Variants in FILIP1 observed in about 807,000 individuals in gnomAD.
FILIP1 encodes the protein filamin A interacting protein 1.
Under a neutral mutation model 102.1 loss-of-function variants are expected in FILIP1, and 61 were observed. That is an observed-to-expected ratio of 0.60 (90% CI 0.49 to 0.74). FILIP1 has a LOEUF of 0.74. FILIP1 is among the 30% of genes least tolerant of loss of function. FILIP1 has a pLI of 0.00. For synonymous variants in FILIP1, 491 were observed against 526.9 expected (o/e 0.93, Z 0.93); for missense variants, 1,314 against 1,441.2 (o/e 0.91, Z 1.43).
chr6:75,291,998 G>T (rs993878103), exon 7 of FILIP1: 10 of 152,128 alleles, frequency 6.6e-5, no homozygotes, highest in African/African-American at 2.2e-4. Flanking sequence ...AACAGAGAAT[G>T]TTTTCATTGG....
intron 6 of FILIP1, among the ~76,000 whole-genome samples, chr6:75,299,863 C>G (rs1217019196): frequency 6.6e-6 from 1 of 152,096 alleles, no homozygotes; most frequent in Non-Finnish European, 1.5e-5. Flanking sequence ...GGTGGTATCC[C>G]AAAACTACTA....
chr6:75,404,578 A>T lies in FILIP1; in HGVS notation c.276+10119T>A, dbSNP rs769090285. ...CACCCATTAGTGTTTGTATTTGTAC[A>T]TAATCACCTTTCTTTAGCATTCCCC... On this transcript the variant is annotated intron_variant, in intron 2 of 5. Coordinates refer to ENST00000237172, the MANE Select transcript of FILIP1 (RefSeq NM_015687.5). 4.5e-4 allele frequency among the ~76,000 whole-genome samples: 68 copies of T among 152,300 alleles called. No individual in the cohort carries two copies. In the Middle Eastern group the frequency reaches 0.01, roughly 23 times the overall value.
At chr6:75,431,816 G>C (rs1777832846) in intron 1 of FILIP1, among the ~76,000 whole-genome samples, 1 of 152,146 alleles carries the variant, frequency 6.6e-6, no homozygotes, top group Non-Finnish European at 1.5e-5. Context: ...TATACACAAA[G>C]ACTAGTGGGA....
Position 75,326,126 on chromosome 6 carries a change from TACAC to T in FILIP1, c.630-10928_630-10925del, listed in dbSNP as rs766233320. Among the ~76,000 whole-genome samples, 6 of 149,646 alleles carry T rather than the reference TACAC, an allele frequency of 4.0e-5. No homozygotes were observed. In the East Asian group the frequency reaches 7.8e-4, roughly 19 times the overall value. ...AGATAGATAGAGAGATAGATAGATATACACACACACACACACACACATCATGAAA... is the reference window on the plus strand; with the variant it reads ...AGATAGATAGAGAGATAGATAGATATACACACACACACACACATCATGAAA... On this transcript the variant is annotated intron_variant, in intron 4 of 5. Coordinates refer to ENST00000237172, the MANE Select transcript of FILIP1 (RefSeq NM_015687.5).
Position 75,308,780 on chromosome 6 carries a change from C to T in FILIP1, c.3553G>A (p.Glu1185Lys). Reference protein sequence around the residue: ...APGAGNLTKFEPRAETQSMKI... With the variant: ...APGAGNLTKFKPRAETQSMKI... ...ATAGACTGAGTCTCAGCTCGAGGCT[C>T]GAATTTGGTCAGATTTCCTGCTCCT... The change falls in exon 6 of 6, where the codon GAG becomes AAG. Residue 1185 changes from glutamate (E) to lysine (K), a missense_variant. By Grantham distance (56) the Glu-to-Lys change is moderately conservative (BLOSUM62 1). Coordinates refer to ENST00000237172, the MANE Select transcript of FILIP1 (RefSeq NM_015687.5). 3 of 1,614,046 alleles carry T rather than the reference C, an allele frequency of 1.9e-6. No homozygotes were observed. The highest frequency in any genetic ancestry group is 2.2e-5 in the East Asian group (1 of 44,856).
intron 1 of FILIP1, among the ~76,000 whole-genome samples, chr6:75,422,088 A>G (rs1582480283): frequency 6.6e-6 from 1 of 152,296 alleles, no homozygotes. Flanking sequence ...TTAACTATCT[A>G]GTAATATACT....
At chr6:75,459,247 T>C (rs1157606888) in intron 1 of FILIP1, among the ~76,000 whole-genome samples, 7 of 152,206 alleles carry the variant, frequency 4.6e-5, no homozygotes, top group Non-Finnish European at 1.0e-4. Context: ...TCCCTGCCAC[T>C]GCTTACTGAA....
chr6:75,463,850 T>C (rs1228343168), intron 1 of FILIP1, among the ~76,000 whole-genome samples: 1 of 152,234 alleles, frequency 6.6e-6, no homozygotes, highest in Non-Finnish European at 1.5e-5. Flanking sequence ...TGGTCATGTT[T>C]CTGAAAGAAG....
At chr6:75,471,445 G>A (rs939325282) in intron 1 of FILIP1, among the ~76,000 whole-genome samples, 2 of 152,018 alleles carry the variant, frequency 1.3e-5, no homozygotes, top group Admixed American at 1.3e-4. Context: ...TCACTGTGAT[G>A]GAAGAAATTC....
intron 2 of FILIP1, among the ~76,000 whole-genome samples, chr6:75,395,975 T>A (rs1046101477): frequency 6.6e-6 from 1 of 151,728 alleles, no homozygotes; most frequent in African/African-American, 2.4e-5. Flanking sequence ...CATAAAAAAA[T>A]AAAGTAGGAC....
Position 75,312,861 on chromosome 6 carries a change from T to A in FILIP1, c.2971A>T (p.Thr991Ser). 2 of 1,614,118 alleles carry A rather than the reference T, an allele frequency of 1.2e-6. No individual in the cohort carries two copies. Among genetic ancestry groups the A allele is most frequent in the Non-Finnish European group, 1.7e-6 (2 of 1,180,034 alleles). ...AATGCGCCTCTTCCACTTTCTGGAGTCTTCTCTCTGGAAAATGTAGTAATT... is the reference window on the plus strand; with the variant it reads ...AATGCGCCTCTTCCACTTTCTGGAGACTTCTCTCTGGAAAATGTAGTAATT... ...VTITTFSREK[T>S]PESGRGAFAD... The change falls in exon 5 of 6, where the codon ACT (threonine) becomes TCT (serine). Residue 991 changes from threonine to serine, a missense_variant. Physicochemically the swap from Thr to Ser is moderately conservative, Grantham distance 58. This residue lies in a region of FILIP1 where 816 missense variants were observed against 913.1 expected (regional missense o/e 0.89). Transcript: ENST00000237172.
chr6:75,304,240 G>A (rs1009324064), downstream of FILIP1, among the ~76,000 whole-genome samples: 3 of 151,866 alleles, frequency 2.0e-5, no homozygotes, highest in Non-Finnish European at 4.4e-5. Flanking sequence ...TTTGAGACAG[G>A]GTCTTACTTT....
In FILIP1 at chr6:75,483,845, C is replaced by A. The variant is rs953217874; in HGVS notation, c.-7+9569G>T. Reference sequence around the variant, plus strand: ...CGCACAGGCTGGGGAGTCCAATTGCCTGGACTCATCCCAGACTTGCCACCT... The same window carrying A: ...CGCACAGGCTGGGGAGTCCAATTGCATGGACTCATCCCAGACTTGCCACCT... On this transcript the variant is annotated intron_variant, in intron 1 of 5. Coordinates refer to ENST00000237172, the MANE Select transcript of FILIP1 (RefSeq NM_015687.5). 2.0e-5 allele frequency among the ~76,000 whole-genome samples: 3 copies of A among 152,254 alleles called. No homozygotes were observed. In the South Asian group the frequency reaches 6.2e-4, roughly 32 times the overall value.
At chr6:75,337,701 G>T (rs1434103733) in intron 4 of FILIP1, among the ~76,000 whole-genome samples, 1 of 152,152 alleles carries the variant, frequency 6.6e-6, no homozygotes, top group Non-Finnish European at 1.5e-5. Flanking sequence ...ATTCCACCTT[G>T]GAAGCTTGGG....
intron 5 of FILIP1, among the ~76,000 whole-genome samples, chr6:75,309,535 C>A (rs1054351380): frequency 6.6e-6 from 1 of 152,052 alleles, no homozygotes; most frequent in African/African-American, 2.4e-5. Flanking sequence ...TAATATTCAC[C>A]CTGAGAATTG....
intron 4 of FILIP1, among the ~76,000 whole-genome samples, chr6:75,339,181 G>A (rs987704065): frequency 2.6e-5 from 4 of 152,200 alleles, no homozygotes; most frequent in African/African-American, 9.6e-5. Context: ...CTCTGAGGCT[G>A]TAACTATTGA....
intron 2 of FILIP1, among the ~76,000 whole-genome samples, chr6:75,401,193 C>T (rs892389695): frequency 3.9e-5 from 6 of 152,170 alleles, no homozygotes; most frequent in African/African-American, 9.7e-5. Flanking sequence ...TTCTAAATGC[C>T]GGCTCAGTAA....
rs529277574 is a variant in FILIP1, at chr6:75,319,239, C to G, written c.630-4037G>C. ...GCTTCGCAGCCTTCTTTTCATAAGG[C>G]TGCTTGTCATCTGCAACAGTATTAT... On this transcript the variant is annotated intron_variant, in intron 4 of 5. Transcript: ENST00000237172. 3.3e-5 allele frequency: 24 copies of G among 726,812 alleles called. No individual in the cohort carries two copies. The East Asian group carries it at 7.3e-4, about 22-fold the overall frequency. 45.0% of individuals were successfully genotyped at this position (726,812 alleles called of 1,614,324 possible). A position where few individuals can be genotyped will look rare whatever the true frequency, so the allele number is the denominator to read the frequency against.
chr6:75,342,526 C>A (rs1042862793), intron 4 of FILIP1, among the ~76,000 whole-genome samples: 9 of 152,228 alleles, frequency 5.9e-5, no homozygotes, highest in African/African-American at 1.9e-4. Context: ...TATGCTCACC[C>A]AAGCCTAGTT....
Sources: gnomAD v4.1 joint callset for allele counts (sites outside exome capture counted in the v4.1 genomes callset) on GRCh38, gnomAD v4.1.1 for gene constraint, gnomAD v4.1.1 regional missense constraint, MANE v1.5 for transcripts, NCBI Gene and HGNC (gene_info 2026-07-23, HGNC 2026-07-21) for gene names.